TTC28: variants seen among roughly 807,000 people sequenced by gnomAD.
TTC28 encodes the protein tetratricopeptide repeat protein 28.
Under a neutral mutation model 198.0 loss-of-function variants are expected in TTC28, and 61 were observed. The ratio of observed to expected loss-of-function variants is 0.31; its 90% CI spans 0.25 to 0.38. The LOEUF is 0.38. Among genes scored for constraint, TTC28 ranks in the 10% least tolerant of loss-of-function variants. TTC28 has a pLI of 1.00. For synonymous variants in TTC28, 1,171 were observed against 1,297.8 expected, an observed-to-expected ratio of 0.90 and a Z score of 2.10; for missense variants, 2,678 against 3,164.0, an observed-to-expected ratio of 0.85 and a Z score of 3.69.
intron 2 of TTC28, among the ~76,000 whole-genome samples, chr22:28,444,078 G>C (rs2047666862): frequency 6.6e-6 from 1 of 152,014 alleles, no homozygotes; most frequent in African/African-American, 2.4e-5. Flanking sequence ...TGGGGATTGA[G>C]TTTCATTCAT....
intron 2 of TTC28, among the ~76,000 whole-genome samples, chr22:28,422,762 T>C (rs1208894660): frequency 1.3e-5 from 2 of 152,140 alleles, no homozygotes; most frequent in Admixed American, 1.3e-4. Flanking sequence ...TTAATTTTTA[T>C]TCATACCTCT....
At chr22:28,319,719 C>T (rs986791636) in intron 2 of TTC28, among the ~76,000 whole-genome samples, 3 of 152,114 alleles carry the variant, frequency 2.0e-5, no homozygotes, top group African/African-American at 2.4e-5. Context: ...GTCACATTAG[C>T]GTATTGCTTT....
chr22:28,556,040 T>G (rs567891588), intron 2 of TTC28, among the ~76,000 whole-genome samples: 1 of 151,820 alleles, frequency 6.6e-6, no homozygotes, highest in South Asian at 2.1e-4. Context: ...GAAAACTCAG[T>G]TTTGGTTTAT....
At chr22:28,647,485 A>G (rs1452538537) in intron 1 of TTC28, among the ~76,000 whole-genome samples, 1 of 152,144 alleles carries the variant, frequency 6.6e-6, no homozygotes, top group African/African-American at 2.4e-5. Flanking sequence ...CTATGCATCT[A>G]ATGTCAAGAA....
At chr22:28,337,104 A>T (rs1022194677) in intron 2 of TTC28, among the ~76,000 whole-genome samples, 5 of 152,156 alleles carry the variant, frequency 3.3e-5, no homozygotes, top group Admixed American at 6.6e-5. Flanking sequence ...TGTACCCAGT[A>T]GTCATTCAGG....
intron 12 of TTC28, among the ~76,000 whole-genome samples, chr22:28,084,435 C>A (rs1411951668): frequency 1.3e-5 from 2 of 152,172 alleles, no homozygotes; most frequent in Non-Finnish European, 2.9e-5. Flanking sequence ...CTCCAACAGA[C>A]CTGCAGCTGA....
intron 2 of TTC28, among the ~76,000 whole-genome samples, chr22:28,488,609 G>GA (rs1228406122): frequency 3.3e-5 from 5 of 152,050 alleles, no homozygotes; most frequent in Admixed American, 6.6e-5. Flanking sequence ...GCTTAAAGCA[G>GA]AAAAAATAAG....
At chr22:28,406,145 C>T (rs1227342213) in intron 2 of TTC28, among the ~76,000 whole-genome samples, 2 of 152,214 alleles carry the variant, frequency 1.3e-5, no homozygotes, top group African/African-American at 4.8e-5. Flanking sequence ...TCTCCAGTTA[C>T]CTCTTCCATT....
intron 13 of TTC28, among the ~76,000 whole-genome samples, chr22:28,023,104 G>A (rs1473532606): frequency 6.6e-6 from 1 of 152,208 alleles, no homozygotes; most frequent in Non-Finnish European, 1.5e-5. Flanking sequence ...GCCGCATGTG[G>A]CTTCTCTCCC....
chr22:28,631,099 C>T (rs2051166199), intron 1 of TTC28, among the ~76,000 whole-genome samples: 1 of 152,084 alleles, frequency 6.6e-6, no homozygotes. Flanking sequence ...CATTGCACTC[C>T]AGTCTGGACA....
At chr22:28,354,358 T>G (rs1175531678) in intron 2 of TTC28, among the ~76,000 whole-genome samples, 1 of 152,124 alleles carries the variant, frequency 6.6e-6, no homozygotes, top group East Asian at 1.9e-4. Flanking sequence ...AAAAATGAAA[T>G]TCTGAAACAT....
At chr22:28,032,787 T>A (rs943176878) in intron 12 of TTC28, among the ~76,000 whole-genome samples, 1 of 152,088 alleles carries the variant, frequency 6.6e-6, no homozygotes, top group Non-Finnish European at 1.5e-5. Context: ...TATGCTTCTC[T>A]CCTGGGGTTT....
At chr22:28,067,431 A>G (rs866470065) in intron 12 of TTC28, among the ~76,000 whole-genome samples, 1 of 152,180 alleles carries the variant, frequency 6.6e-6, no homozygotes, top group African/African-American at 2.4e-5. Context: ...AATATCTCTT[A>G]TAACATGAAA....
rs2045026946 is a variant in TTC28 at position 28,301,557 on chromosome 22, A to G, written c.530-3705T>C. On this transcript the variant is annotated intron_variant, in intron 3 of 22. Transcript: ENST00000397906. Reference sequence around the variant, plus strand: ...TCAACTAAGAGATATACTGTATTTCATCAGTTCAGAGATGCACATTTATTC... The same window carrying G: ...TCAACTAAGAGATATACTGTATTTCGTCAGTTCAGAGATGCACATTTATTC... 2.6e-5 allele frequency among the ~76,000 whole-genome samples: 4 copies of G among 152,376 alleles called. No homozygotes were observed. In the South Asian group the frequency reaches 6.2e-4, roughly 24 times the overall value.
intron 2 of TTC28, among the ~76,000 whole-genome samples, chr22:28,407,492 A>C (rs544514361): frequency 3.3e-4 from 50 of 150,282 alleles, no homozygotes; most frequent in Non-Finnish European, 1.9e-4. Flanking sequence ...ACACACACAC[A>C]CACAGTAATG....
intron 2 of TTC28, among the ~76,000 whole-genome samples, chr22:28,427,787 GAATTCAGGTAAATTAAAGTCA>G (rs1389811931): frequency 6.6e-6 from 1 of 151,330 alleles, no homozygotes; most frequent in Non-Finnish European, 1.5e-5. Context: ...AAAAGAAGTC[GAATTCAGGTAAATTAAAGTCA>G]AATTCAGGTA....
At chr22:28,223,492 C>T (rs755256594) in intron 5 of TTC28, among the ~76,000 whole-genome samples, 3 of 152,172 alleles carry the variant, frequency 2.0e-5, no homozygotes, top group Admixed American at 6.5e-5. Context: ...TTTTGATGAG[C>T]TTCAAACATC....
intron 2 of TTC28, among the ~76,000 whole-genome samples, chr22:28,468,894 C>T (rs762654040): frequency 9.9e-5 from 15 of 152,026 alleles, no homozygotes; most frequent in Non-Finnish European, 2.1e-4. Context: ...GTTTTAAGAG[C>T]AAAGGGATGA....
At chr22:28,219,136 T>A (rs1412162780) in intron 5 of TTC28, among the ~76,000 whole-genome samples, 1 of 152,112 alleles carries the variant, frequency 6.6e-6, no homozygotes, top group Non-Finnish European at 1.5e-5. Context: ...CTCTGAGACT[T>A]ACTAGCTATG....
Sources: allele counts gnomAD v4.1 joint callset (sites outside exome capture counted in the v4.1 genomes callset), GRCh38; gene constraint gnomAD v4.1.1; transcripts MANE v1.5; gene names NCBI Gene and HGNC (gene_info 2026-07-23, HGNC 2026-07-21).